The following NTM variants were observed in gnomAD, a reference collection of about 807,000 sequenced individuals.
NTM encodes the protein neurotrimin.
Under a neutral mutation model 42.1 loss-of-function variants are expected in NTM, and 13 were observed. That is an observed-to-expected ratio of 0.31 (90% CI 0.20 to 0.49). NTM has a LOEUF of 0.49. NTM is among the 20% of genes least tolerant of loss of function. The pLI is 0.99. For missense variants in NTM, 373 were observed against 452.8 expected (o/e 0.82, Z 1.60); for synonymous variants, 187 against 179.2 (o/e 1.04, Z -0.35).
At chr11:131,682,036 C>G (rs560361283) in intron 1 of NTM, among the ~76,000 whole-genome samples, 1 of 152,252 alleles carries the variant, frequency 6.6e-6, no homozygotes, top group South Asian at 2.1e-4. Context: ...AAAAAGTACA[C>G]CGAGGACCCA....
At chr11:131,837,537 G>A (rs1373662883) in intron 1 of NTM, among the ~76,000 whole-genome samples, 2 of 152,096 alleles carry the variant, frequency 1.3e-5, no homozygotes, top group Admixed American at 6.5e-5. Context: ...TCTACTTTGC[G>A]ATTAACACAG....
intron 2 of NTM, among the ~76,000 whole-genome samples, chr11:132,070,630 A>G (rs2057435697): frequency 8.1e-6 from 1 of 124,038 alleles, no homozygotes. Context: ...ACACAGCCAA[A>G]ACACGTCAAA....
intron 1 of NTM, among the ~76,000 whole-genome samples, chr11:131,793,577 G>A (rs573465339): frequency 1.6e-4 from 25 of 152,094 alleles, no homozygotes; most frequent in Non-Finnish European, 2.6e-4. Context: ...TTTCCATCCC[G>A]GTCAGTCTGA....
chr11:132,076,589 A>G (rs1272341738), intron 2 of NTM, among the ~76,000 whole-genome samples: 2 of 152,182 alleles, frequency 1.3e-5, no homozygotes, highest in African/African-American at 4.8e-5. Flanking sequence ...AATAAGTTCT[A>G]TGGGAAGAAA....
At chr11:132,066,163 C>G (rs1295987941) in intron 2 of NTM, among the ~76,000 whole-genome samples, 2 of 152,184 alleles carry the variant, frequency 1.3e-5, no homozygotes, top group African/African-American at 4.8e-5. Context: ...CTTTTCAGCA[C>G]CATGAATTTC....
intron 2 of NTM, among the ~76,000 whole-genome samples, chr11:131,928,475 C>T (rs991567330): frequency 6.6e-6 from 1 of 152,158 alleles, no homozygotes; most frequent in Non-Finnish European, 1.5e-5. Flanking sequence ...TGTGGTCTCC[C>T]GTCTGTGTTT....
At chr11:131,442,602 C>G (rs904613273) in intron 1 of NTM, among the ~76,000 whole-genome samples, 1 of 152,064 alleles carries the variant, frequency 6.6e-6, no homozygotes, top group Non-Finnish European at 1.5e-5. Flanking sequence ...TCCCAAGTCT[C>G]TATTAGTTCT....
chr11:131,852,644 C>G (rs1333312989), intron 1 of NTM, among the ~76,000 whole-genome samples: 1 of 152,122 alleles, frequency 6.6e-6, no homozygotes, highest in Non-Finnish European at 1.5e-5. Context: ...TGCCTCTTAC[C>G]TTTTGATTTA....
intron 1 of NTM, among the ~76,000 whole-genome samples, chr11:131,700,550 A>G (rs2075968307): frequency 6.6e-6 from 1 of 152,230 alleles, no homozygotes; most frequent in South Asian, 2.1e-4. Context: ...TTGGGTTACA[A>G]TAATGGCAAA....
intron 1 of NTM, among the ~76,000 whole-genome samples, chr11:131,583,040 C>T (rs1011514853): frequency 6.6e-6 from 1 of 152,192 alleles, no homozygotes; most frequent in East Asian, 1.9e-4. Flanking sequence ...TTTTCACACA[C>T]GGGTAGCGTC....
At position 131,410,273 on chromosome 11, in the gene NTM, G is replaced by A. The variant is rs142167825; in HGVS notation, c.82+39385G>A. On this transcript the variant is annotated intron_variant, in intron 1 of 8. Coordinates refer to ENST00000683400, the MANE Select transcript of NTM (RefSeq NM_001352005.2). ...GGATTGCTTGAGGCAAGGAGTTCAA[G>A]ACCAGCCTGGGCAATACAGCAAGAC... Among the ~76,000 whole-genome samples the A allele has an allele frequency of 2.5e-3, 378 of 152,118 alleles. 3 individuals carry two copies. Among genetic ancestry groups the A allele is most frequent in the African/African-American group, 8.6e-3 (358 of 41,494 alleles).
intron 1 of NTM, among the ~76,000 whole-genome samples, chr11:131,764,047 A>G (rs879702943): frequency 7.2e-5 from 11 of 152,118 alleles, no homozygotes; most frequent in Non-Finnish European, 1.6e-4. Flanking sequence ...TATGGTGAAG[A>G]TGCTAGGAGA....
chr11:132,256,879 A>G (rs1249908411), intron 4 of NTM, among the ~76,000 whole-genome samples: 9 of 152,232 alleles, frequency 5.9e-5, no homozygotes, highest in African/African-American at 2.2e-4. Context: ...CACAGACAGG[A>G]TGTGTGTGTT....
At chr11:131,848,011 A>T (rs2045115406) in intron 1 of NTM, among the ~76,000 whole-genome samples, 1 of 152,216 alleles carries the variant, frequency 6.6e-6, no homozygotes, top group Admixed American at 6.5e-5. Context: ...TGTATTTGTA[A>T]CATTTTAACC....
intron 1 of NTM, among the ~76,000 whole-genome samples, chr11:131,597,252 C>T (rs750079758): frequency 2.0e-5 from 3 of 152,152 alleles, no homozygotes; most frequent in Non-Finnish European, 4.4e-5. Context: ...TTTAATGCCA[C>T]GTGGGAGGTT....
At chr11:131,865,829 TAC>T (rs1203698851) in intron 1 of NTM, among the ~76,000 whole-genome samples, 2 of 127,624 alleles carry the variant, frequency 1.6e-5, no homozygotes, top group Admixed American at 7.9e-5. Flanking sequence ...ACACACATGC[TAC>T]ACACACACCT....
chr11:131,797,535 G>A (rs570837293), intron 1 of NTM, among the ~76,000 whole-genome samples: 1 of 152,302 alleles, frequency 6.6e-6, no homozygotes, highest in African/African-American at 2.4e-5. Context: ...TCTAGTTGAT[G>A]ACCCACTCTG....
At chr11:132,014,589 G>A (rs541940914) in intron 2 of NTM, among the ~76,000 whole-genome samples, 1 of 152,016 alleles carries the variant, frequency 6.6e-6, no homozygotes, top group Non-Finnish European at 1.5e-5. Flanking sequence ...ACCTGGGTAA[G>A]ATGATATCTT....
chr11:131,852,024 G>T (rs534832161), intron 1 of NTM, among the ~76,000 whole-genome samples: 1 of 152,142 alleles, frequency 6.6e-6, no homozygotes, highest in Non-Finnish European at 1.5e-5. Context: ...TTCATTTCCA[G>T]CTACTGGACT....
Sources: gnomAD v4.1 joint callset for allele counts (sites outside exome capture counted in the v4.1 genomes callset) on GRCh38, gnomAD v4.1.1 for gene constraint, MANE v1.5 for transcripts, NCBI Gene and HGNC (gene_info 2026-07-23, HGNC 2026-07-21) for gene names.